The following MACROD2 variants were observed in gnomAD, a reference collection of about 807,000 sequenced individuals.
The protein encoded by MACROD2 is mono-ADP ribosylhydrolase 2.
In MACROD2, 36 loss-of-function variants were observed where a neutral mutation model predicts 70.4. The ratio of observed to expected loss-of-function variants is 0.51; its 90% CI spans 0.39 to 0.68. The LOEUF (loss-of-function observed/expected upper bound fraction) is 0.68. Among genes scored for constraint, MACROD2 ranks in the 30% least tolerant of loss-of-function variants. The pLI is 0.00. For synonymous variants in MACROD2, 172 were observed against 178.8 expected (o/e 0.96, Z 0.30); for missense variants, 496 against 538.4 (o/e 0.92, Z 0.78).
intron 9 of MACROD2, among the ~76,000 whole-genome samples, chr20:15,873,082 C>T (rs1472620351): frequency 4.6e-5 from 7 of 152,128 alleles, no homozygotes; most frequent in South Asian, 2.1e-4. Flanking sequence ...TAAATATTGG[C>T]ATCATCCTCA....
At chr20:14,748,967 C>A (rs1250153259) in intron 5 of MACROD2, among the ~76,000 whole-genome samples, 2 of 152,076 alleles carry the variant, frequency 1.3e-5, no homozygotes, top group African/African-American at 4.8e-5. Context: ...TTCAGCCACC[C>A]ACCCAAGTCA....
chr20:14,649,755 G>T (rs1432105060), intron 4 of MACROD2, among the ~76,000 whole-genome samples: 1 of 152,102 alleles, frequency 6.6e-6, no homozygotes, highest in South Asian at 2.1e-4. Flanking sequence ...TTTGCCCTGG[G>T]TACATTGTGC....
chr20:15,822,849 A>G (rs987941852), intron 8 of MACROD2, among the ~76,000 whole-genome samples: 1 of 152,188 alleles, frequency 6.6e-6, no homozygotes, highest in African/African-American at 2.4e-5. Context: ...TAAGGGAGGA[A>G]GAGGTGGATT....
At chr20:14,659,469 C>T (rs1009332641) in intron 4 of MACROD2, among the ~76,000 whole-genome samples, 1 of 152,146 alleles carries the variant, frequency 6.6e-6, no homozygotes, top group Non-Finnish European at 1.5e-5. Flanking sequence ...CAGCAACCAC[C>T]AGACAGTTGC....
rs1158708534 is a variant in MACROD2, at chr20:15,233,963, TTATTTTTATATATATTTATTTATA to T, written c.540+3906_540+3929del. ...TGAGTTACCCTTGGATCCAAAAAAT[TTATTTTTATATATATTTATTTATA>T]TATATATATATATATATATATATTC... On this transcript the variant is annotated intron_variant, in intron 6 of 17. Coordinates refer to ENST00000684519, the MANE Select transcript of MACROD2 (RefSeq NM_001351661.2). Among the ~76,000 whole-genome samples the T allele has an allele frequency of 2.7e-4, 21 of 76,544 alleles. No individual in the cohort carries two copies. In the East Asian group the frequency reaches 3.5e-3, roughly 13 times the overall value. 50.2% of individuals were successfully genotyped at this position (76,544 alleles called of 152,430 possible).
intron 15 of MACROD2, among the ~76,000 whole-genome samples, chr20:15,992,621 C>A (rs1182854689): frequency 6.6e-6 from 1 of 152,224 alleles, no homozygotes; most frequent in South Asian, 2.1e-4. Flanking sequence ...TCTTCTAAGT[C>A]TCCAGCATCC....
chr20:15,499,065 G>T (rs1326000362), intron 7 of MACROD2, among the ~76,000 whole-genome samples: 1 of 152,164 alleles, frequency 6.6e-6, no homozygotes, highest in African/African-American at 2.4e-5. Flanking sequence ...TGATGACTCT[G>T]CAGGTCCAGG....
At chr20:14,681,351 G>T (rs1199361638) in intron 4 of MACROD2, among the ~76,000 whole-genome samples, 1 of 152,104 alleles carries the variant, frequency 6.6e-6, no homozygotes, top group East Asian at 1.9e-4. Flanking sequence ...ACTAGAAACA[G>T]TCTAATGTCT....
chr20:14,304,009 A>G (rs1156886662), intron 3 of MACROD2, among the ~76,000 whole-genome samples: 1 of 151,982 alleles, frequency 6.6e-6, no homozygotes, highest in Non-Finnish European at 1.5e-5. Context: ...GAATGAACAC[A>G]TTTTGAGTGT....
chr20:14,571,447 G>A (rs1980184802), intron 4 of MACROD2, among the ~76,000 whole-genome samples: 3 of 151,980 alleles, frequency 2.0e-5, no homozygotes, highest in Non-Finnish European at 2.9e-5. Context: ...GGAAAGCACT[G>A]AGTTTCCCTG....
chr20:15,406,045 C>T (rs1161557273), intron 6 of MACROD2, among the ~76,000 whole-genome samples: 1 of 152,156 alleles, frequency 6.6e-6, no homozygotes, highest in Admixed American at 6.6e-5. Flanking sequence ...AAGACATACG[C>T]CGTTAGGGAC....
intron 8 of MACROD2, among the ~76,000 whole-genome samples, chr20:15,708,945 G>A (rs1239762883): frequency 3.3e-5 from 5 of 152,156 alleles, no homozygotes; most frequent in Non-Finnish European, 7.4e-5. Context: ...AGGATCTTTT[G>A]AGCCTGGGAG....
At chr20:15,232,449 G>C (rs1170810612) in intron 6 of MACROD2, among the ~76,000 whole-genome samples, 2 of 152,018 alleles carry the variant, frequency 1.3e-5, no homozygotes, top group Admixed American at 1.3e-4. Flanking sequence ...CTGTGGACAA[G>C]TAATGTCAAC....
chr20:15,153,384 G>A (rs1372454085), intron 5 of MACROD2, among the ~76,000 whole-genome samples: 1 of 152,084 alleles, frequency 6.6e-6, no homozygotes, highest in East Asian at 1.9e-4. Flanking sequence ...GCCAGGATGA[G>A]CCAGGATAAG....
intron 3 of MACROD2, among the ~76,000 whole-genome samples, chr20:14,187,404 T>C (rs1214590873): frequency 6.6e-6 from 1 of 152,140 alleles, no homozygotes; most frequent in East Asian, 1.9e-4. Flanking sequence ...AAGGAACTGA[T>C]TGGAAGAACA....
chr20:15,615,235 C>T lies in MACROD2; in HGVS notation c.645+115388C>T, dbSNP rs1409408039. ...AGCTTTTGAAGAAGGAGTGTAAGAT[C>T]GCATCCCCAACCTGAGTGAATTCAC... On this transcript the variant is annotated intron_variant, in intron 8 of 17. Transcript: ENST00000684519. Among the ~76,000 whole-genome samples the T allele has an allele frequency of 2.6e-5, 4 of 152,206 alleles. No individual in the cohort carries two copies. The East Asian group carries it at 7.7e-4, about 29-fold the overall frequency.
chr20:15,498,386 C>T (rs368624858), intron 7 of MACROD2, among the ~76,000 whole-genome samples: 2 of 152,126 alleles, frequency 1.3e-5, no homozygotes, highest in South Asian at 2.1e-4. Flanking sequence ...TCTCCATTTC[C>T]GCAACGTCTC....
At chr20:14,533,446 T>C (rs2085329587) in intron 4 of MACROD2, among the ~76,000 whole-genome samples, 1 of 152,232 alleles carries the variant, frequency 6.6e-6, no homozygotes, top group Non-Finnish European at 1.5e-5. Flanking sequence ...TTTAGATTAT[T>C]TCTTAACTAT....
chr20:14,595,632 T>TGC (rs1982075968), intron 4 of MACROD2, among the ~76,000 whole-genome samples: 1 of 152,222 alleles, frequency 6.6e-6, no homozygotes, highest in Non-Finnish European at 1.5e-5. Context: ...AAGACAGCTT[T>TGC]GCATGTATGT....
Sources: allele counts gnomAD v4.1 joint callset (sites outside exome capture counted in the v4.1 genomes callset), GRCh38; gene constraint gnomAD v4.1.1; transcripts MANE v1.5; gene names NCBI Gene and HGNC (gene_info 2026-07-23, HGNC 2026-07-21).